Variants in NEIL3 observed in about 807,000 individuals in gnomAD.
The protein encoded by NEIL3 is endonuclease 8-like 3.
NEIL3 carries 48 observed loss-of-function variants against 57.5 expected under a neutral mutation model. The ratio of observed to expected loss-of-function variants is 0.83; its 90% CI spans 0.66 to 1.06. The LOEUF (loss-of-function observed/expected upper bound fraction) is 1.06, where lower values mean the gene tolerates loss of function less well. NEIL3 is among the 50% of genes least tolerant of loss of function. NEIL3 has a pLI of 0.00. For synonymous variants in NEIL3, 261 were observed against 253.2 expected (o/e 1.03, Z -0.29); for missense variants, 717 against 739.1 (o/e 0.97, Z 0.35).
At chr4:177,355,831 A>G (rs542991761) in intron 8 of NEIL3, among the ~76,000 whole-genome samples, 7 of 152,118 alleles carry the variant, frequency 4.6e-5, no homozygotes, top group Non-Finnish European at 7.4e-5. Flanking sequence ...CTCTAAATTT[A>G]CCATCAGTTA....
At position 177,362,357 on chromosome 4, in the gene NEIL3, T is replaced by A; in HGVS notation, c.1704T>A (p.Ile568=). 1 of 1,613,460 alleles carries A rather than the reference T, an allele frequency of 6.2e-7. No individual in the cohort carries two copies. The highest frequency in any genetic ancestry group is 8.5e-7 in the Non-Finnish European group (1 of 1,179,714). ...KRSTMKTVLK[I]GPNNGKNFFV... ...CCACCATGAAAACAGTATTGAAGAT[T>A]GGACCTAACAATGGAAAGAATTTTT... The change falls in exon 10 of 10, where the codon ATT becomes ATA. Residue 568 remains isoleucine (I), a synonymous_variant. Coordinates refer to ENST00000264596, the MANE Select transcript of NEIL3 (RefSeq NM_018248.3).
Position 177,362,769 on chromosome 4 carries a change from G to T in NEIL3, c.*298G>T. 5.2e-6 allele frequency: 1 copy of T among 192,328 alleles called. No individual in the cohort carries two copies. The allele number at this position is 192,328 out of a possible 1,614,324, so 11.9% of individuals were successfully genotyped here. On this transcript the variant is annotated 3_prime_UTR_variant, in exon 10 of 10. Transcript: ENST00000264596. The stretch of plus-strand genomic sequence containing the variant: ...GTTTTTAGTATGCTTTTAGTCTCTT[G>T]TAACTGGGGAGAAGCAGTGTTTTTT...
intron 1 of NEIL3, among the ~76,000 whole-genome samples, chr4:177,319,871 G>A (rs929633214): frequency 6.6e-6 from 1 of 152,120 alleles, no homozygotes; most frequent in Non-Finnish European, 1.5e-5. Flanking sequence ...ACAGGGTATG[G>A]CTAAAACAAG....
At chr4:177,312,771 A>G (rs1008777106) in intron 1 of NEIL3, among the ~76,000 whole-genome samples, 1 of 152,150 alleles carries the variant, frequency 6.6e-6, no homozygotes, top group Non-Finnish European at 1.5e-5. Context: ...TGGACACTGG[A>G]TTTTAAAATC....
chr4:177,328,911 T>G (rs1734830662), intron 2 of NEIL3, among the ~76,000 whole-genome samples: 1 of 151,936 alleles, frequency 6.6e-6, no homozygotes, highest in South Asian at 2.1e-4. Context: ...CTAATGTTGT[T>G]GCAATATACG....
intron 6 of NEIL3, chr4:177,343,740 TTATATATATA>T (rs34272163): frequency 6.6e-6 from 1 of 150,386 alleles, no homozygotes; most frequent in Non-Finnish European, 1.5e-5. Context: ...TTAGATAATT[TTATATATATA>T]TATATAATAC....
the NEIL3 span, among the ~76,000 whole-genome samples, chr4:177,369,573 G>T: frequency 6.6e-6 from 1 of 152,128 alleles, no homozygotes; most frequent in Non-Finnish European, 1.5e-5. Flanking sequence ...ATGACGCAGA[G>T]GAACCCAAAC....
In NEIL3 at chr4:177,348,858, A is replaced by ATTTTTTTTTTTTTTTT. The variant is rs749391559; in HGVS notation, c.870-2510_870-2495dup. Among the ~76,000 whole-genome samples, 109 of 73,732 alleles carry ATTTTTTTTTTTTTTTT rather than the reference A, an allele frequency of 1.5e-3. 17 individuals carry two copies. Among genetic ancestry groups the ATTTTTTTTTTTTTTTT allele is most frequent in the East Asian group, 5.2e-3 (12 of 2,300 alleles). The allele number at this position is 73,732 out of a possible 152,430, so 48.4% of individuals were successfully genotyped here. A position where few individuals can be genotyped will look rare whatever the true frequency, so the allele number is the denominator to read the frequency against. On this transcript the variant is annotated intron_variant, in intron 6 of 9. Transcript: ENST00000264596. ...AGAATTGCAGATTGGTGGCTCATGA[A>ATTTTTTTTTTTTTTTT]TTTTTTTTTTTTTTTTTTTTTTTTT...
intron 2 of NEIL3, among the ~76,000 whole-genome samples, chr4:177,324,499 G>T (rs931835333): frequency 6.6e-6 from 1 of 152,098 alleles, no homozygotes; most frequent in Non-Finnish European, 1.5e-5. Flanking sequence ...ACATCAGAAA[G>T]ATACAAATTA....
intron 2 of NEIL3, among the ~76,000 whole-genome samples, chr4:177,329,350 A>G (rs563268673): frequency 6.6e-4 from 101 of 152,312 alleles, no homozygotes; most frequent in Non-Finnish European, 1.2e-3. Context: ...TAATGTGCCT[A>G]TAAGAAAACC....
At chr4:177,322,696 A>G (rs533393900) in intron 2 of NEIL3, 116 bp downstream of exon 2, 57 of 1,193,164 alleles carry the variant, frequency 4.8e-5, no homozygotes, top group East Asian at 7.1e-5. Flanking sequence ...TGTTTTTAAG[A>G]GAGCTCCAAT....
In NEIL3 at chr4:177,346,988, C is replaced by T. The variant is rs187694444; in HGVS notation, c.870-4392C>T. Among the ~76,000 whole-genome samples the T allele has an allele frequency of 4.7e-4, 65 of 139,434 alleles. No homozygotes were observed. In the East Asian group the frequency reaches 8.2e-3, roughly 18 times the overall value. 91.5% of individuals were successfully genotyped at this position (139,434 alleles called of 152,430 possible). Reference sequence around the variant, plus strand: ...ATGCACTTCACCCTAGGTAACAGAGCGAGACTCCGTCTCAAAAAAAAAAAA... The same window carrying T: ...ATGCACTTCACCCTAGGTAACAGAGTGAGACTCCGTCTCAAAAAAAAAAAA... On this transcript the variant is annotated intron_variant, in intron 6 of 9. Transcript: ENST00000264596.
rs35192904 is a variant in NEIL3 at position 177,344,547 on chromosome 4, G to A, written c.869+2905G>A. The stretch of plus-strand genomic sequence containing the variant: ...ACTTTTAATACTGATGCTATTTATT[G>A]TTGGTTCTTTTTTCTTTTTATTTGA... On this transcript the variant is annotated intron_variant, in intron 6 of 9. Coordinates refer to ENST00000264596, the MANE Select transcript of NEIL3 (RefSeq NM_018248.3). Among the ~76,000 whole-genome samples the A allele has an allele frequency of 3.0e-3, 461 of 151,846 alleles. 11 individuals carry two copies. The East Asian group carries it at 0.059, about 19-fold the overall frequency.
Position 177,362,525 on chromosome 4 carries a change from C to A in NEIL3, c.*54C>A. ...CTTCAAACTGTGTATAATGTTTGGTCCTCCTCTGTTTCATAGAAAAGTCAT... is the reference window on the plus strand; with the variant it reads ...CTTCAAACTGTGTATAATGTTTGGTACTCCTCTGTTTCATAGAAAAGTCAT... On this transcript the variant is annotated 3_prime_UTR_variant, in exon 10 of 10. Transcript: ENST00000264596. 2.2e-6 allele frequency: 3 copies of A among 1,340,256 alleles called. No homozygotes were observed. Among genetic ancestry groups the A allele is most frequent in the South Asian group, 1.4e-5 (1 of 69,330 alleles). The allele number at this position is 1,340,256 out of a possible 1,614,324, so 83.0% of individuals were successfully genotyped here. A position where few individuals can be genotyped will look rare whatever the true frequency, so the allele number is the denominator to read the frequency against.
At position 177,322,889 on chromosome 4, in the gene NEIL3, T is replaced by C. The variant is rs530416960; in HGVS notation, c.278+309T>C. Among the ~76,000 whole-genome samples, 6 of 152,320 alleles carry C rather than the reference T, an allele frequency of 3.9e-5. No individual in the cohort carries two copies. The South Asian group carries it at 8.3e-4, about 21-fold the overall frequency. ...TCTCTCCTTGTTTTTACCGAATGCT[T>C]ATTGTATTCAGTGACATCGGTTACT... On this transcript the variant is annotated intron_variant, in intron 2 of 9. Coordinates refer to ENST00000264596, the MANE Select transcript of NEIL3 (RefSeq NM_018248.3).
chr4:177,344,989 T>C (rs1462995979), intron 6 of NEIL3, among the ~76,000 whole-genome samples: 1 of 152,204 alleles, frequency 6.6e-6, no homozygotes, highest in African/African-American at 2.4e-5. Flanking sequence ...CGTTGTTATT[T>C]ACTTTATTTA....
At chr4:177,320,940 G>T (rs1177059019) in intron 1 of NEIL3, among the ~76,000 whole-genome samples, 1 of 151,512 alleles carries the variant, frequency 6.6e-6, no homozygotes, top group East Asian at 1.9e-4. Context: ...TGGGTTTAGT[G>T]GAAGAATAGT....
At chr4:177,347,193 G>C (rs1349753834) in intron 6 of NEIL3, among the ~76,000 whole-genome samples, 3 of 152,040 alleles carry the variant, frequency 2.0e-5, no homozygotes, top group Admixed American at 6.6e-5. Flanking sequence ...TTGATGACTT[G>C]TAGCAATCTG....
downstream of NEIL3, among the ~76,000 whole-genome samples, chr4:177,367,220 C>T (rs1015190564): frequency 2.0e-5 from 3 of 150,686 alleles, no homozygotes; most frequent in African/African-American, 4.9e-5. Context: ...ATTTTTTTCT[C>T]ATCATACCTC....
Sources: gnomAD v4.1 joint callset for allele counts (sites outside exome capture counted in the v4.1 genomes callset) on GRCh38, gnomAD v4.1.1 for gene constraint, MANE v1.5 for transcripts, NCBI Gene and HGNC (gene_info 2026-07-23, HGNC 2026-07-21) for gene names.